Variants in BRD10 observed in about 807,000 individuals in gnomAD.
The protein encoded by BRD10 is bromodomain containing 10.
the BRD10 span, among the ~76,000 whole-genome samples, chr9:5,965,056 T>TAAAAAAAAAAAAA: frequency 8.5e-6 from 1 of 118,278 alleles, no homozygotes; most frequent in African/African-American, 3.1e-5. Context: ...TAAAGTATAA[T>TAAAAAAAAAAAAA]AAAAAAAAAA....
At chr9:5,954,632 T>G in the BRD10 span, among the ~76,000 whole-genome samples, 46 of 152,300 alleles carry the variant, frequency 3.0e-4, no homozygotes, top group South Asian at 8.9e-3. Flanking sequence ...ACCCAAAGTT[T>G]TAAAAGAAGA....
the BRD10 span, among the ~76,000 whole-genome samples, chr9:5,937,447 AT>A: frequency 6.6e-6 from 1 of 152,134 alleles, no homozygotes; most frequent in South Asian, 2.1e-4. Context: ...AGGCAGGAGA[AT>A]CGCTTGAACC....
At chr9:5,923,048 G>A in the BRD10 span, 1 of 1,613,992 alleles carries the variant, frequency 6.2e-7, no homozygotes, top group South Asian at 1.1e-5. Context: ...CTCTGGAAAT[G>A]ATGGCTCTGT....
the BRD10 span, among the ~76,000 whole-genome samples, chr9:5,880,007 C>A: frequency 6.6e-6 from 1 of 152,130 alleles, no homozygotes; most frequent in Non-Finnish European, 1.5e-5. Flanking sequence ...GCAACCTCCG[C>A]CTCCCGGGTT....
chr9:5,919,580 ACAC>A, the BRD10 span: 5 of 1,009,756 alleles, frequency 5.0e-6, no homozygotes, highest in Non-Finnish European at 7.2e-6. Flanking sequence ...ACACACACAC[ACAC>A]AATGTATAGT....
At chr9:5,897,730 G>A in the BRD10 span, 15 of 1,248,710 alleles carry the variant, frequency 1.2e-5, no homozygotes, top group South Asian at 1.8e-4. Flanking sequence ...AATCTCTGGA[G>A]AGTCAGATAA....
chr9:5,886,390 C>T, the BRD10 span, among the ~76,000 whole-genome samples: 1 of 152,246 alleles, frequency 6.6e-6, no homozygotes, highest in African/African-American at 2.4e-5. Flanking sequence ...TAACAGTTCA[C>T]ACTATTGTTG....
the BRD10 span, among the ~76,000 whole-genome samples, chr9:6,000,221 C>T: frequency 6.6e-6 from 1 of 151,976 alleles, no homozygotes; most frequent in Non-Finnish European, 1.5e-5. Context: ...ATTTCTGGAA[C>T]ATTCATAGGT....
chr9:5,885,301 A>G, the BRD10 span, among the ~76,000 whole-genome samples: 4 of 152,310 alleles, frequency 2.6e-5, no homozygotes, highest in East Asian at 5.8e-4. Flanking sequence ...GTACATTCAC[A>G]GGGAATTCGC....
the BRD10 span, among the ~76,000 whole-genome samples, chr9:5,997,992 T>C: frequency 1.3e-5 from 2 of 152,114 alleles, no homozygotes; most frequent in South Asian, 4.1e-4. Context: ...TAGAAAGAAA[T>C]AGGCAAGATT....
At chr9:6,007,132 G>C in the BRD10 span, 8 of 1,518,730 alleles carry the variant, frequency 5.3e-6, no homozygotes, top group South Asian at 1.2e-5. Context: ...GCCCATCCTC[G>C]GGCACGTGTG....
the BRD10 span, among the ~76,000 whole-genome samples, chr9:5,927,036 G>A: frequency 1.3e-5 from 2 of 152,186 alleles, no homozygotes; most frequent in South Asian, 4.1e-4. Context: ...TATTAGAATG[G>A]GTTACCAAAT....
the BRD10 span, among the ~76,000 whole-genome samples, chr9:5,992,744 A>G: frequency 6.6e-6 from 1 of 151,976 alleles, no homozygotes; most frequent in Non-Finnish European, 1.5e-5. Context: ...CAAAGCATGT[A>G]AAGTCTTTTC....
the BRD10 span, among the ~76,000 whole-genome samples, chr9:5,976,231 T>TAA: frequency 1.3e-5 from 2 of 151,436 alleles, no homozygotes; most frequent in African/African-American, 4.8e-5. Flanking sequence ...TTTTCAAAGC[T>TAA]AAAAAAAAAT....
the BRD10 span, among the ~76,000 whole-genome samples, chr9:5,911,589 C>T: frequency 6.7e-6 from 1 of 150,054 alleles, no homozygotes; most frequent in East Asian, 1.9e-4. Flanking sequence ...AGGCGGAGTG[C>T]AGTGGCACAT....
At chr9:5,903,035 T>C in the BRD10 span, among the ~76,000 whole-genome samples, 4 of 152,350 alleles carry the variant, frequency 2.6e-5, no homozygotes, top group South Asian at 8.3e-4. Flanking sequence ...TTTAATTTCA[T>C]TTAATTCAAA....
the BRD10 span, chr9:5,924,853 A>G: frequency 6.8e-7 from 1 of 1,466,538 alleles, no homozygotes; most frequent in African/African-American, 1.4e-5. Flanking sequence ...CTCCTGAAAT[A>G]AAATGCCCAA....
the BRD10 span, among the ~76,000 whole-genome samples, chr9:5,991,635 G>C: frequency 1.3e-5 from 2 of 149,816 alleles, no homozygotes; most frequent in Non-Finnish European, 3.0e-5. Flanking sequence ...TGAGGCAGGA[G>C]AATCATTTGA....
the BRD10 span, among the ~76,000 whole-genome samples, chr9:5,954,914 C>G: frequency 2.6e-5 from 4 of 151,892 alleles, no homozygotes; most frequent in Admixed American, 6.6e-5. Context: ...AGGGCGAAAC[C>G]CCGTCTCTAC....
Sources: allele counts gnomAD v4.1 joint callset (sites outside exome capture counted in the v4.1 genomes callset), GRCh38; gene constraint gnomAD v4.1.1; transcripts MANE v1.5; gene names NCBI Gene and HGNC (gene_info 2026-07-23, HGNC 2026-07-21).